ASB18: variants seen among roughly 807,000 people sequenced by gnomAD.
ASB18 encodes the protein ankyrin repeat and SOCS box containing 18, also known as ankyrin repeat and SOCS box protein 18.
Under a neutral mutation model 33.4 loss-of-function variants are expected in ASB18, and 33 were observed. The ratio of observed to expected loss-of-function variants is 0.99; its 90% CI spans 0.75 to 1.32. The LOEUF (loss-of-function observed/expected upper bound fraction) is 1.32, where lower values mean the gene tolerates loss of function less well. ASB18 is among the 40% of genes most tolerant of loss of function. The pLI is 0.00. For synonymous variants in ASB18, 295 were observed against 307.6 expected, an observed-to-expected ratio of 0.96 and a Z score of 0.43; for missense variants, 694 against 655.5, an observed-to-expected ratio of 1.06 and a Z score of -0.64.
At position 236,222,928 on chromosome 2, in the gene ASB18, G is replaced by A. The variant is rs1264032531; in HGVS notation, c.597-8062C>T. 2.6e-5 allele frequency among the ~76,000 whole-genome samples: 4 copies of A among 152,180 alleles called. No homozygotes were observed. The highest frequency in any genetic ancestry group is 5.9e-5 in the Non-Finnish European group (4 of 68,036). On this transcript the variant is annotated intron_variant, in intron 3 of 5. Coordinates refer to ENST00000409749, the MANE Select transcript of ASB18 (RefSeq NM_212556.4). This position sits in a 1 kb window ranked among gnomAD's most constrained non-coding sequence, Gnocchi z 5.5. Reference sequence around the variant, plus strand: ...CCAGCTACTTGGGAAGCTGAAGCAGGAGACTCACTTGAGCCCTGGAGGTGG... The same window carrying A: ...CCAGCTACTTGGGAAGCTGAAGCAGAAGACTCACTTGAGCCCTGGAGGTGG...
chr2:236,237,670 C>G lies in ASB18; in HGVS notation c.596+19G>C, dbSNP rs1232077006. ...CTCGGGGCGGGGCGGACGCCGCGGG[C>G]CTGTCCCGAGGTCCTTACCCGAGCG... On this transcript the variant is annotated intron_variant, in intron 3 of 5. Transcript: ENST00000409749. The surrounding 1 kb of genome is among the most constrained non-coding windows in gnomAD (Gnocchi z 6.2). The G allele has an allele frequency of 7.1e-7, 1 of 1,406,030 alleles. No individual in the cohort carries two copies. 87.1% of individuals were successfully genotyped at this position (1,406,030 alleles called of 1,614,324 possible). A position where few individuals can be genotyped will look rare whatever the true frequency, so the allele number is the denominator to read the frequency against.
Position 236,264,030 on chromosome 2 carries a change from A to G in ASB18, c.205+111T>C. The G allele has an allele frequency of 4.9e-6, 4 of 822,818 alleles. No individual in the cohort carries two copies. Among genetic ancestry groups the G allele is most frequent in the Non-Finnish European group, 4.0e-6 (2 of 505,146 alleles). The allele number at this position is 822,818 out of a possible 1,614,324, so 51.0% of individuals were successfully genotyped here. A position where few individuals can be genotyped will look rare whatever the true frequency, so the allele number is the denominator to read the frequency against. On this transcript the variant is annotated intron_variant, in intron 1 of 5. Transcript: ENST00000409749. The surrounding 1 kb of genome is among the most constrained non-coding windows in gnomAD (Gnocchi z 5.1). ...ATGTATGAGAGTCAGATATCCGAGT[A>G]CATATCATTTACTTTTTCCAAACAT...
At chr2:236,227,908 C>T (rs143740616) in intron 3 of ASB18, among the ~76,000 whole-genome samples, 107 of 152,348 alleles carry the variant, frequency 7.0e-4, no homozygotes, top group South Asian at 3.9e-3. Flanking sequence ...AAACTGCAAG[C>T]ATTTTGAGGG....
rs889135247 is a variant in ASB18, at chr2:236,229,116, A to G, written c.596+8573T>C. 6.6e-6 allele frequency among the ~76,000 whole-genome samples: 1 copy of G among 152,210 alleles called. No individual in the cohort carries two copies. Among genetic ancestry groups the G allele is most frequent in the Non-Finnish European group, 1.5e-5 (1 of 68,040 alleles). ...AAATGACACAGAAATGACATAGGTG[A>G]TAGAATTAGTAGGCAGGGCCATTAA... On this transcript the variant is annotated intron_variant, in intron 3 of 5. Transcript: ENST00000409749. This position sits in a 1 kb window ranked among gnomAD's most constrained non-coding sequence, Gnocchi z 5.2.
In ASB18 at chr2:236,262,201, A is replaced by G. The variant is rs1324215636; in HGVS notation, c.205+1940T>C. Among the ~76,000 whole-genome samples, 1 of 152,256 alleles carries G rather than the reference A, an allele frequency of 6.6e-6. No individual in the cohort carries two copies. The highest frequency in any genetic ancestry group is 6.5e-5 in the Admixed American group (1 of 15,290). ...TTAGGTTCAGGATTCCCAATACACA[A>G]ATCTTCAACCGGCTGGGACTGGTTT... On this transcript the variant is annotated intron_variant, in intron 1 of 5. Transcript: ENST00000409749. This position sits in a 1 kb window ranked among gnomAD's most constrained non-coding sequence, Gnocchi z 5.2.
rs1375121100 is a variant in ASB18 at position 236,244,764 on chromosome 2, T to G, written c.206-3362A>C. Reference sequence around the variant, plus strand: ...GGAGTGCTCAGCAAAGGGAGACCTTTGATTTTCCTTACAAGAGATTGCAGC... The same window carrying G: ...GGAGTGCTCAGCAAAGGGAGACCTTGGATTTTCCTTACAAGAGATTGCAGC... On this transcript the variant is annotated intron_variant, in intron 1 of 5. Transcript: ENST00000409749. The surrounding 1 kb of genome is among the most constrained non-coding windows in gnomAD (Gnocchi z 6.1). Among the ~76,000 whole-genome samples, 1 of 152,184 alleles carries G rather than the reference T, an allele frequency of 6.6e-6. No homozygotes were observed. The highest frequency in any genetic ancestry group is 1.5e-5 in the Non-Finnish European group (1 of 68,042).
Position 236,203,118 on chromosome 2 carries a change from G to A in ASB18, c.1102-6733C>T, listed in dbSNP as rs2060413703. Among the ~76,000 whole-genome samples the A allele has an allele frequency of 6.6e-6, 1 of 152,026 alleles. No individual in the cohort carries two copies. Among genetic ancestry groups the A allele is most frequent in the South Asian group, 2.1e-4 (1 of 4,826 alleles). On this transcript the variant is annotated intron_variant, in intron 4 of 5. Coordinates refer to ENST00000409749, the MANE Select transcript of ASB18 (RefSeq NM_212556.4). The surrounding 1 kb of genome is among the most constrained non-coding windows in gnomAD (Gnocchi z 6.0). ...GCCATCCCTTCTGTAGGTATTTGCC[G>A]AGCTCCTACTAGAAAGCAGGGATTG...
chr2:236,237,665 G>T lies in ASB18; in HGVS notation c.596+24C>A. 7.2e-7 allele frequency: 1 copy of T among 1,387,700 alleles called. No homozygotes were observed. Among genetic ancestry groups the T allele is most frequent in the South Asian group, 1.6e-5 (1 of 63,916 alleles). The allele number at this position is 1,387,700 out of a possible 1,614,324, so 86.0% of individuals were successfully genotyped here. A position where few individuals can be genotyped will look rare whatever the true frequency, so the allele number is the denominator to read the frequency against. On this transcript the variant is annotated intron_variant, in intron 3 of 5. Coordinates refer to ENST00000409749, the MANE Select transcript of ASB18 (RefSeq NM_212556.4). This position sits in a 1 kb window ranked among gnomAD's most constrained non-coding sequence, Gnocchi z 6.2. ...CTGGTCTCGGGGCGGGGCGGACGCC[G>T]CGGGCCTGTCCCGAGGTCCTTACCC...
Position 236,208,980 on chromosome 2 carries a change from C to T in ASB18, c.1101+5382G>A, listed in dbSNP as rs1423092100. Among the ~76,000 whole-genome samples the T allele has an allele frequency of 6.6e-6, 1 of 152,152 alleles. No individual in the cohort carries two copies. Among genetic ancestry groups the T allele is most frequent in the African/African-American group, 2.4e-5 (1 of 41,506 alleles). On this transcript the variant is annotated intron_variant, in intron 4 of 5. Transcript: ENST00000409749. The surrounding 1 kb of genome is among the most constrained non-coding windows in gnomAD (Gnocchi z 7.7). The stretch of plus-strand genomic sequence containing the variant: ...TTTATATGTAGATGGAGAAATAAAA[C>T]GACAGCAAGAAAAACACAGGCGCCC...
rs1189801790 is a variant in ASB18, at chr2:236,245,123, G to T, written c.206-3721C>A. On this transcript the variant is annotated intron_variant, in intron 1 of 5. Coordinates refer to ENST00000409749, the MANE Select transcript of ASB18 (RefSeq NM_212556.4). The surrounding 1 kb of genome is among the most constrained non-coding windows in gnomAD (Gnocchi z 4.7). ...GGGAGACTTGGCCATGACCCAAATT[G>T]GTTGCCACGGGGGCCGTAGGTTTAT... Among the ~76,000 whole-genome samples the T allele has an allele frequency of 1.3e-5, 2 of 152,156 alleles. No individual in the cohort carries two copies. The highest frequency in any genetic ancestry group is 2.1e-4 in the South Asian group (1 of 4,828).
At chr2:236,232,566 A>G (rs2060570915) in intron 3 of ASB18, among the ~76,000 whole-genome samples, 2 of 152,098 alleles carry the variant, frequency 1.3e-5, no homozygotes, top group African/African-American at 4.8e-5. Flanking sequence ...TATTGGGGGG[A>G]AAAGAAGACA....
intron 1 of ASB18, among the ~76,000 whole-genome samples, chr2:236,243,764 G>C (rs1036879426): frequency 2.0e-5 from 3 of 152,010 alleles, no homozygotes; most frequent in Admixed American, 1.3e-4. Context: ...TTGGTTCAGG[G>C]CTTTATTTTA....
In ASB18 at chr2:236,237,757, G is replaced by T; in HGVS notation, c.528C>A (p.Ala176=). The change falls in exon 3 of 6, where the codon GCC becomes GCA. Residue 176 remains alanine (A), a synonymous_variant. Transcript: ENST00000409749. This position sits in a 1 kb window ranked among gnomAD's most constrained non-coding sequence, Gnocchi z 6.2. ...ACVRLLLQHR[A]DPDLLSAEGL... is the part of the protein sequence containing the mutation. Reference sequence around the variant, plus strand: ...CCTCGGCGCTGAGCAGGTCGGGGTCGGCGCGGTGCTGCAGCAGCAGGCGGA... The same window carrying T: ...CCTCGGCGCTGAGCAGGTCGGGGTCTGCGCGGTGCTGCAGCAGCAGGCGGA... The T allele has an allele frequency of 1.4e-6, 2 of 1,454,758 alleles. No individual in the cohort carries two copies. The highest frequency in any genetic ancestry group is 1.8e-6 in the Non-Finnish European group (2 of 1,108,840). The allele number at this position is 1,454,758 out of a possible 1,614,324, so 90.1% of individuals were successfully genotyped here.
Position 236,216,632 on chromosome 2 carries a change from C to A in ASB18, c.597-1766G>T, listed in dbSNP as rs1301282650. ...CTCCCTCCACTCCCAGTGTCACTGTCCTTTGTTGAGGCCACATCGTTTCTC... is the reference window on the plus strand; with the variant it reads ...CTCCCTCCACTCCCAGTGTCACTGTACTTTGTTGAGGCCACATCGTTTCTC... On this transcript the variant is annotated intron_variant, in intron 3 of 5. Transcript: ENST00000409749. This position sits in a 1 kb window ranked among gnomAD's most constrained non-coding sequence, Gnocchi z 6.1. Among the ~76,000 whole-genome samples, 1 of 152,226 alleles carries A rather than the reference C, an allele frequency of 6.6e-6. No individual in the cohort carries two copies. Among genetic ancestry groups the A allele is most frequent in the Non-Finnish European group, 1.5e-5 (1 of 68,034 alleles).
chr2:236,253,576 TG>T lies in ASB18; in HGVS notation c.205+10564del, dbSNP rs2060678242. Reference sequence around the variant, plus strand: ...TTATTATTATTATTGTGGTGGGAGATGGGGTCTCACTGTGTTGCCCAGGCTG... The same window carrying T: ...TTATTATTATTATTGTGGTGGGAGATGGGTCTCACTGTGTTGCCCAGGCTG... On this transcript the variant is annotated intron_variant, in intron 1 of 5. Coordinates refer to ENST00000409749, the MANE Select transcript of ASB18 (RefSeq NM_212556.4). This position sits in a 1 kb window ranked among gnomAD's most constrained non-coding sequence, Gnocchi z 5.4. 6.6e-6 allele frequency among the ~76,000 whole-genome samples: 1 copy of T among 151,632 alleles called. No homozygotes were observed.
Position 236,264,214 on chromosome 2 carries a change from G to C in ASB18, c.132C>G (p.Asp44Glu). The change falls in exon 1 of 6, where the codon GAC becomes GAG. Residue 44 changes from aspartate (D) to glutamate (E), a missense_variant. Physicochemically the swap from Asp to Glu is conservative, Grantham distance 45. Coordinates refer to ENST00000409749, the MANE Select transcript of ASB18 (RefSeq NM_212556.4). This position sits in a 1 kb window ranked among gnomAD's most constrained non-coding sequence, Gnocchi z 5.1. ...DLICTEITPV[D>E]AVIELANDDW... Reference sequence around the variant, plus strand: ...CGTCATTGGCCAGTTCTATCACAGCGTCCACAGGCGTGATTTCAGTGCAGA... The same window carrying C: ...CGTCATTGGCCAGTTCTATCACAGCCTCCACAGGCGTGATTTCAGTGCAGA... 1 of 1,613,898 alleles carries C rather than the reference G, an allele frequency of 6.2e-7. No homozygotes were observed. Among genetic ancestry groups the C allele is most frequent in the Non-Finnish European group, 8.5e-7 (1 of 1,179,864 alleles).
rs1273565821 is a variant in ASB18 at position 236,214,376 on chromosome 2, C to T, written c.1087G>A (p.Asp363Asn). The T allele has an allele frequency of 1.3e-6, 2 of 1,574,832 alleles. No individual in the cohort carries two copies. Among genetic ancestry groups the T allele is most frequent in the South Asian group, 1.2e-5 (1 of 86,496 alleles). Residue 363 changes from aspartate to asparagine, a missense_variant, in exon 4 of 6, where the codon GAC becomes AAC. Physicochemically the swap from Asp to Asn is conservative, Grantham distance 23. Transcript: ENST00000409749. This position sits in a 1 kb window ranked among gnomAD's most constrained non-coding sequence, Gnocchi z 6.5. Reference protein sequence around the residue: ...LNHGSPTVWPDAFPKVLKTCA... With the variant: ...LNHGSPTVWPNAFPKVLKTCA... ...TCCTGCCTTACCTTGGGGAAGGCGT[C>T]GGGCCACACGGTGGGAGAGCCGTGG...
chr2:236,243,818 A>G (rs532897945), intron 1 of ASB18, among the ~76,000 whole-genome samples: 62 of 152,214 alleles, frequency 4.1e-4, no homozygotes, highest in African/African-American at 1.3e-3. Flanking sequence ...TGTAACATAA[A>G]TAATATGCAA....
At chr2:236,261,611 T>C (rs1654534048) in intron 1 of ASB18, among the ~76,000 whole-genome samples, 1 of 152,238 alleles carries the variant, frequency 6.6e-6, no homozygotes, top group African/African-American at 2.4e-5. Flanking sequence ...ACTTTAAACA[T>C]GTCATTAGTA....
Sources: gnomAD v4.1 joint callset for allele counts (sites outside exome capture counted in the v4.1 genomes callset) on GRCh38, gnomAD v4.1.1 for gene constraint, Gnocchi (gnomAD v3.1) non-coding constraint, MANE v1.5 for transcripts, NCBI Gene and HGNC (gene_info 2026-07-23, HGNC 2026-07-21) for gene names.